The following PCTP variants were observed in gnomAD, a reference collection of about 807,000 sequenced individuals.
PCTP encodes START domain-containing protein 2.
Under a neutral mutation model 31.0 loss-of-function variants are expected in PCTP, and 27 were observed. The ratio of observed to expected loss-of-function variants is 0.87; its 90% CI spans 0.64 to 1.20. PCTP has a LOEUF of 1.20. Ranked by LOEUF, PCTP falls within the 50% of genes most tolerant of loss-of-function variation. The pLI, the probability that PCTP is intolerant of heterozygous loss-of-function variation, is 0.00. For missense variants in PCTP, 287 were observed against 268.2 expected, an observed-to-expected ratio of 1.07 and a Z score of -0.49; for synonymous variants, 108 against 101.2, an observed-to-expected ratio of 1.07 and a Z score of -0.40.
intron 2 of PCTP, chr17:55,770,524 T>G (rs925600434): frequency 6.6e-6 from 1 of 152,258 alleles, no homozygotes; most frequent in Admixed American, 6.5e-5. Flanking sequence ...TTTCATTGCA[T>G]TCTATCAAGA....
At chr17:55,783,506 A>G (rs1460774627) in intron 2 of PCTP, among the ~76,000 whole-genome samples, 1 of 152,176 alleles carries the variant, frequency 6.6e-6, no homozygotes, top group African/African-American at 2.4e-5. Context: ...GAAAAAGTCA[A>G]TGGAAACCAA....
At chr17:55,778,210 CAA>C (rs57503627), downstream of PCTP, among the ~76,000 whole-genome samples, 5,779 of 111,456 alleles carry the variant, frequency 0.052, 342 homozygotes, top group African/African-American at 0.15. Flanking sequence ...GTGCCAAAGT[CAA>C]AAAAAAAAAA....
At chr17:55,842,961 TA>T (rs1906030818), downstream of PCTP, 3 of 152,102 alleles carry the variant, frequency 2.0e-5, no homozygotes, top group South Asian at 6.2e-4. Flanking sequence ...AAGACACAAA[TA>T]AAAAGTAATT....
chr17:55,808,880 G>T (rs1265687356), intron 3 of PCTP, among the ~76,000 whole-genome samples: 1 of 152,160 alleles, frequency 6.6e-6, no homozygotes, highest in East Asian at 1.9e-4. Context: ...TTTATGTATA[G>T]TTTCTAAGAG....
chr17:55,844,818 G>T (rs545542535), downstream of PCTP, among the ~76,000 whole-genome samples: 33 of 152,070 alleles, frequency 2.2e-4, no homozygotes, highest in South Asian at 5.8e-3. Context: ...GACCAGGCGC[G>T]GTGGCTCACG....
In PCTP at chr17:55,776,746, G is replaced by A. The variant is rs1911352174; in HGVS notation, c.*646G>A. On this transcript the variant is annotated 3_prime_UTR_variant, in exon 6 of 6. Transcript: ENST00000268896. ...AGCTGTTATGATGCCAGACCATTTG[G>A]AGAAGTATCAGAGGCCTGACCGGAC... 8.6e-7 allele frequency: 1 copy of A among 1,165,936 alleles called. No individual in the cohort carries two copies. Among genetic ancestry groups the A allele is most frequent in the Non-Finnish European group, 1.1e-6 (1 of 946,376 alleles). The allele number at this position is 1,165,936 out of a possible 1,614,324, so 72.2% of individuals were successfully genotyped here. A position where few individuals can be genotyped will look rare whatever the true frequency, so the allele number is the denominator to read the frequency against.
Position 55,751,516 on chromosome 17 carries a change from A to T in PCTP, c.141+272A>T, listed in dbSNP as rs557429101. 513 of 1,433,596 alleles carry T rather than the reference A, an allele frequency of 3.6e-4. 1 individual carries two copies. Among genetic ancestry groups the T allele is most frequent in the Non-Finnish European group, 4.4e-5 (48 of 1,082,426 alleles). 88.8% of individuals were successfully genotyped at this position (1,433,596 alleles called of 1,614,324 possible). A position where few individuals can be genotyped will look rare whatever the true frequency, so the allele number is the denominator to read the frequency against. On this transcript the variant is annotated intron_variant, in intron 1 of 5. Transcript: ENST00000268896. The stretch of plus-strand genomic sequence containing the variant: ...GGGCATGTAGTTAGAAGTTAATGAC[A>T]GTTGAAACGTGGGTCAGCTGGTTCC...
chr17:55,826,660 A>T (rs1165097977), downstream of PCTP, among the ~76,000 whole-genome samples: 1 of 152,182 alleles, frequency 6.6e-6, no homozygotes, highest in Non-Finnish European at 1.5e-5. Context: ...GGCATCAAAG[A>T]ACCTTCCCAG....
chr17:55,825,057 C>G (rs1448892689), downstream of PCTP, among the ~76,000 whole-genome samples: 3 of 152,098 alleles, frequency 2.0e-5, no homozygotes, highest in African/African-American at 7.2e-5. Flanking sequence ...CTCATCCCCA[C>G]CAGGTGCACA....
chr17:55,838,674 G>A lies in PCTP; in HGVS notation n.506-4053G>A, dbSNP rs574925467. ...ACGGAATAAACACATATCAAATGAT[G>A]CTTTTTATTGAATATCTAATGTGAA... On this transcript the variant is annotated intron_variant and non_coding_transcript_variant, in intron 5 of 5. Transcript: ENST00000576221. 2.6e-5 allele frequency among the ~76,000 whole-genome samples: 4 copies of A among 152,264 alleles called. No homozygotes were observed. In the East Asian group the frequency reaches 7.7e-4, roughly 29 times the overall value.
downstream of PCTP, among the ~76,000 whole-genome samples, chr17:55,845,910 GTGTGTGTGTGTGTGTGTA>G (rs1261894633): frequency 3.0e-4 from 45 of 151,788 alleles, no homozygotes; most frequent in African/African-American, 1.0e-3. Context: ...GTGTGTGTGT[GTGTGTGTGTGTGTGTGTA>G]TGTGTGTGTG....
downstream of PCTP, among the ~76,000 whole-genome samples, chr17:55,845,440 C>T (rs575454926): frequency 6.6e-6 from 1 of 152,184 alleles, no homozygotes; most frequent in African/African-American, 2.4e-5. Flanking sequence ...CCCAGGACGG[C>T]GTCCGCGGGC....
intron 1 of PCTP, among the ~76,000 whole-genome samples, chr17:55,767,061 T>C (rs1045417971): frequency 2.6e-5 from 4 of 152,276 alleles, no homozygotes; most frequent in Non-Finnish European, 5.9e-5. Context: ...AAATGTCTTC[T>C]TTTGAGAAGT....
Position 55,829,719 on chromosome 17 carries a change from CA to C in PCTP, n.505+6793del, listed in dbSNP as rs1368113534. 2.1e-3 allele frequency among the ~76,000 whole-genome samples: 323 copies of C among 151,944 alleles called. 2 individuals are homozygous for C. The highest frequency in any genetic ancestry group is 3.8e-3 in the South Asian group (18 of 4,794). The stretch of plus-strand genomic sequence containing the variant: ...ACACACACACACACACACACACACA[CA>C]CCCTCTACAAGCTTGTAAAAGAACT... On this transcript the variant is annotated intron_variant and non_coding_transcript_variant, in intron 5 of 5. Transcript: ENST00000576221.
chr17:55,850,346 A>G, the PCTP span, among the ~76,000 whole-genome samples: 1 of 152,218 alleles, frequency 6.6e-6, no homozygotes, highest in African/African-American at 2.4e-5. Context: ...AATACCTAAA[A>G]GCTTATTAAA....
At chr17:55,781,965 C>T (rs1269108139), downstream of PCTP, among the ~76,000 whole-genome samples, 1 of 152,126 alleles carries the variant, frequency 6.6e-6, no homozygotes, top group Non-Finnish European at 1.5e-5. Context: ...ATGGAATTGG[C>T]TCATACAATT....
In PCTP at chr17:55,762,397, T is replaced by C. The variant is rs370175253; in HGVS notation, c.142-4938T>C. Among the ~76,000 whole-genome samples, 23 of 151,918 alleles carry C rather than the reference T, an allele frequency of 1.5e-4. 1 individual carries two copies. In the East Asian group the frequency reaches 4.3e-3, roughly 28 times the overall value. On this transcript the variant is annotated intron_variant, in intron 1 of 5. Coordinates refer to ENST00000268896, the MANE Select transcript of PCTP (RefSeq NM_021213.4). The stretch of plus-strand genomic sequence containing the variant: ...GCATCCGTGAGTCTTATCTAAGTCA[T>C]ATGGGGAAGGGTAGTGGATCTTCAC...
intron 1 of PCTP, among the ~76,000 whole-genome samples, chr17:55,766,384 T>C (rs1910653866): frequency 6.6e-6 from 1 of 151,102 alleles, no homozygotes; most frequent in African/African-American, 2.4e-5. Flanking sequence ...TAGCATTAGA[T>C]ATATCTCCTA....
chr17:55,770,009 AT>A (rs2144954516), intron 2 of PCTP: 1 of 152,230 alleles, frequency 6.6e-6, no homozygotes, highest in African/African-American at 2.4e-5. Context: ...CTTCTAATAG[AT>A]TTTCTTTCAA....
Sources: gnomAD v4.1 joint callset for allele counts (sites outside exome capture counted in the v4.1 genomes callset) on GRCh38, gnomAD v4.1.1 for gene constraint, MANE v1.5 for transcripts, NCBI Gene and HGNC (gene_info 2026-07-23, HGNC 2026-07-21) for gene names.